The following KLK13 variants were observed in gnomAD, a reference collection of about 807,000 sequenced individuals.
KLK13 encodes kallikrein related peptidase 13, also known as kallikrein-13.
Under a neutral mutation model 22.4 loss-of-function variants are expected in KLK13, and 19 were observed. The observed-to-expected ratio is 0.85, with a 90% CI of 0.59 to 1.24. The LOEUF (loss-of-function observed/expected upper bound fraction) is 1.24, where lower values mean the gene tolerates loss of function less well. KLK13 is among the 50% of genes most tolerant of loss of function. KLK13 has a pLI of 0.00. For synonymous variants in KLK13, 156 were observed against 141.8 expected (o/e 1.10, Z -0.71); for missense variants, 311 against 347.9 (o/e 0.89, Z 0.84).
intron 1 of KLK13, chr19:51,064,750 G>A: frequency 1.5e-6 from 1 of 648,296 alleles, no homozygotes; most frequent in Non-Finnish European, 2.8e-6. Context: ...CAGCTTTCCA[G>A]AGAGGACAGG....
chr19:51,056,755 C>A lies in KLK13; in HGVS notation c.666G>T (p.Leu222=). The change falls in exon 5 of 5, where the codon CTG becomes CTT. Residue 222 remains leucine, a synonymous_variant. Coordinates refer to ENST00000595793, the MANE Select transcript of KLK13 (RefSeq NM_015596.3). ...TGCCATACAGTGTTCTGTTACAGAC[C>A]AGGGGGCCCCCAGAGTCACCCTGAG... The part of the protein sequence containing the change: ...DSCEGDSGGP[L]VCNRTLYGIV... 1 of 1,613,686 alleles carries A rather than the reference C, an allele frequency of 6.2e-7. No individual in the cohort carries two copies. Among genetic ancestry groups the A allele is most frequent in the Non-Finnish European group, 8.5e-7 (1 of 1,179,850 alleles).
chr19:51,060,695 T>C, intron 1 of KLK13, 76 bp from the exon 2 acceptor site: 8 of 1,264,974 alleles, frequency 6.3e-6, no homozygotes, highest in Non-Finnish European at 8.8e-6. Flanking sequence ...TTTCTGGGTT[T>C]GGGGTAAGGG....
chr19:51,064,487 C>CAAAAAAAAAAAA (rs35554667), intron 1 of KLK13: 1 of 150,026 alleles, frequency 6.7e-6, no homozygotes, highest in African/African-American at 5.3e-5. Context: ...GGTTCCATCT[C>CAAAAAAAAAAAA]AAAAAAAAAA....
chr19:51,058,961 G>GTGGGGAGAGAAAGT (rs2091700709), intron 3 of KLK13, among the ~76,000 whole-genome samples: 1 of 152,100 alleles, frequency 6.6e-6, no homozygotes, highest in Non-Finnish European at 1.5e-5. Context: ...GGAGCCAGCG[G>GTGGGGAGAGAAAGT]TGGGGAGAGA....
intron 1 of KLK13, among the ~76,000 whole-genome samples, chr19:51,062,523 C>A (rs2091739590): frequency 6.6e-6 from 1 of 152,178 alleles, no homozygotes; most frequent in African/African-American, 2.4e-5. Flanking sequence ...TTCCCAGGAC[C>A]TAACACAGCG....
At chr19:51,062,294 TCTCCTCTTCAGAAA>T (rs1266255591) in intron 1 of KLK13, among the ~76,000 whole-genome samples, 3 of 152,084 alleles carry the variant, frequency 2.0e-5, no homozygotes, top group Non-Finnish European at 4.4e-5. Flanking sequence ...AGCTCAAATG[TCTCCTCTTCAGAAA>T]GGCCTTCCCT....
At position 51,059,859 on chromosome 19, in the gene KLK13, C is replaced by A. The variant is rs757956040; in HGVS notation, c.474G>T (p.Arg158=). The change falls in exon 3 of 5, where the codon CGG becomes CGT. Residue 158 remains arginine (R), a synonymous_variant. Transcript: ENST00000595793. ...TGGTGGTGGTGCCCCAGCCAGACAC[C>A]CGACAGGTGGTGCCAGGGGTTAGGC... is the stretch of plus-strand genomic sequence containing the variant. ...NNRLTPGTTC[R]VSGWGTTTSP... 1.2e-6 allele frequency: 2 copies of A among 1,603,934 alleles called. No individual in the cohort carries two copies. Among genetic ancestry groups the A allele is most frequent in the South Asian group, 1.1e-5 (1 of 89,400 alleles).
chr19:51,058,440 TC>T, intron 4 of KLK13, 97 bp downstream of exon 4: 1 of 1,413,660 alleles, frequency 7.1e-7, no homozygotes, highest in South Asian at 1.3e-5. Flanking sequence ...AAAGATTGGT[TC>T]CCCTAAGGCT....
At chr19:51,060,662 G>A (rs765197939) in intron 1 of KLK13, 43 bp from the exon 2 acceptor site, 3 of 1,481,834 alleles carry the variant, frequency 2.0e-6, no homozygotes, top group Non-Finnish European at 2.8e-6. Context: ...GATCCAGGGG[G>A]CAGAGGAGCC....
chr19:51,062,274 C>T (rs2091737650), intron 1 of KLK13, among the ~76,000 whole-genome samples: 1 of 152,104 alleles, frequency 6.6e-6, no homozygotes, highest in Admixed American at 6.5e-5. Flanking sequence ...CTTCTTAATT[C>T]TGAGAGGTCA....
At position 51,058,686 on chromosome 19, in the gene KLK13, A is replaced by G. The variant is rs777459146; in HGVS notation, c.509-12T>C. ...TTTGGGGTAATTCACTGGGGAGAAG[A>G]AAGAGAAGGTCTAAGGTATCCGACC... On this transcript the variant is annotated splice_polypyrimidine_tract_variant and intron_variant, in intron 3 of 4. Coordinates refer to ENST00000595793, the MANE Select transcript of KLK13 (RefSeq NM_015596.3). The G allele has an allele frequency of 3.1e-6, 5 of 1,614,090 alleles. No homozygotes were observed. The highest frequency in any genetic ancestry group is 4.2e-6 in the Non-Finnish European group (5 of 1,179,962).
At chr19:51,060,288 C>G (rs1319572552) in intron 2 of KLK13, 145 bp downstream of exon 2, 1 of 1,065,236 alleles carries the variant, frequency 9.4e-7, no homozygotes, top group Non-Finnish European at 1.3e-6. Context: ...TACCCAATCC[C>G]CATATCTCAA....
chr19:51,063,704 C>G (rs772362629), intron 1 of KLK13: 3 of 456,720 alleles, frequency 6.6e-6, no homozygotes, highest in South Asian at 4.6e-5. Context: ...AGAAAAGCCA[C>G]CCCACCTTCA....
rs531950440 is a variant in KLK13, at chr19:51,056,895, T to C, written c.646-120A>G. The C allele has an allele frequency of 5.3e-5, 38 of 711,570 alleles. No homozygotes were observed. The African/African-American group carries it at 6.6e-4, about 12-fold the overall frequency. The allele number at this position is 711,570 out of a possible 1,614,324, so 44.1% of individuals were successfully genotyped here. A position where few individuals can be genotyped will look rare whatever the true frequency, so the allele number is the denominator to read the frequency against. On this transcript the variant is annotated intron_variant, in intron 4 of 4. Transcript: ENST00000595793. ...GAGAGACACACACAGAGAAGGAGAC[T>C]CAGAGAGGCAGAGTCAGACACACAC...
rs4802764 is a variant in KLK13 at position 51,058,024 on chromosome 19, C to G, written c.645+514G>C. ...TGTGAACTATTGGAAAAGAGAGGTT[C>G]TCTTTCTAATAGGGTTGCCTAGAGG... On this transcript the variant is annotated intron_variant, in intron 4 of 4. Coordinates refer to ENST00000595793, the MANE Select transcript of KLK13 (RefSeq NM_015596.3). Among the ~76,000 whole-genome samples the G allele has an allele frequency of 7.1e-3, 1,078 of 152,254 alleles. 46 individuals carry two copies. Among genetic ancestry groups the G allele is most frequent in the Admixed American group, 0.06 (922 of 15,276 alleles).
At chr19:51,063,454 G>A (rs2053681017) in intron 1 of KLK13, 2 of 344,766 alleles carry the variant, frequency 5.8e-6, no homozygotes, top group South Asian at 2.2e-5. Context: ...TCAAGTCCAG[G>A]ATATGGACAG....
intron 2 of KLK13, 82 bp downstream of exon 2, chr19:51,060,351 C>T: frequency 7.1e-7 from 1 of 1,417,852 alleles, no homozygotes. Flanking sequence ...ACTCCAACTC[C>T]ATCCTCAAAT....
In KLK13 at chr19:51,058,183, C is replaced by G. The variant is rs572060141; in HGVS notation, c.645+355G>C. 7.9e-5 allele frequency among the ~76,000 whole-genome samples: 12 copies of G among 152,274 alleles called. No homozygotes were observed. In the South Asian group the frequency reaches 2.5e-3, roughly 32 times the overall value. On this transcript the variant is annotated intron_variant, in intron 4 of 4. Transcript: ENST00000595793. ...AATTCCAAACACACAATTTGCATAC[C>G]TGGATCCATCTGTGCCTAAAGCCAG... is the stretch of plus-strand genomic sequence containing the variant.
chr19:51,061,106 TATCC>T lies in KLK13; in HGVS notation c.53-491_53-488del, dbSNP rs1269618801. Among the ~76,000 whole-genome samples the T allele has an allele frequency of 1.3e-4, 20 of 151,764 alleles. No individual in the cohort carries two copies. In the East Asian group the frequency reaches 1.6e-3, roughly 12 times the overall value. On this transcript the variant is annotated intron_variant, in intron 1 of 4. Coordinates refer to ENST00000595793, the MANE Select transcript of KLK13 (RefSeq NM_015596.3). ...CCATTTAGGTAGTCATCTAACCATC[TATCC>T]ATCCATCCATCCATCCATCCATCCA...
Sources: allele counts gnomAD v4.1 joint callset (sites outside exome capture counted in the v4.1 genomes callset), GRCh38; gene constraint gnomAD v4.1.1; transcripts MANE v1.5; gene names NCBI Gene and HGNC (gene_info 2026-07-23, HGNC 2026-07-21).